The following NKAIN2 variants were observed in gnomAD, a reference collection of about 807,000 sequenced individuals.
NKAIN2 encodes sodium/potassium-transporting ATPase subunit beta-1-interacting protein 2.
A neutral mutation model predicts 32.6 loss-of-function variants in NKAIN2; 14 were observed. That is an observed-to-expected ratio of 0.43 (90% CI 0.28 to 0.67). NKAIN2 has a LOEUF of 0.67. Among genes scored for constraint, NKAIN2 ranks in the 30% least tolerant of loss-of-function variants. The pLI, the probability that NKAIN2 is intolerant of heterozygous loss-of-function variation, is 0.17. For synonymous variants in NKAIN2, 80 were observed against 87.2 expected (o/e 0.92, Z 0.46); for missense variants, 198 against 258.3 (o/e 0.77, Z 1.60).
chr6:124,090,644 A>G (rs577728667), intron 1 of NKAIN2, among the ~76,000 whole-genome samples: 1 of 151,994 alleles, frequency 6.6e-6, no homozygotes, highest in Non-Finnish European at 1.5e-5. Flanking sequence ...TGAGCCAGGA[A>G]CTGCCACTTA....
At chr6:123,833,533 C>A (rs1774472156) in intron 1 of NKAIN2, among the ~76,000 whole-genome samples, 1 of 152,114 alleles carries the variant, frequency 6.6e-6, no homozygotes, top group Admixed American at 6.5e-5. Context: ...GACATCTTGA[C>A]ATTGTTTCCT....
At chr6:124,443,367 A>G (rs1300133307) in intron 3 of NKAIN2, among the ~76,000 whole-genome samples, 1 of 152,158 alleles carries the variant, frequency 6.6e-6, no homozygotes, top group Non-Finnish European at 1.5e-5. Context: ...ATTTTGACAT[A>G]AGAAAAAATA....
At chr6:124,174,336 C>G (rs1789051554) in intron 1 of NKAIN2, among the ~76,000 whole-genome samples, 2 of 152,118 alleles carry the variant, frequency 1.3e-5, no homozygotes, top group South Asian at 4.1e-4. Context: ...GTTAATCATT[C>G]TAAACCAAAC....
chr6:124,689,900 T>A (rs1774177038), intron 4 of NKAIN2, among the ~76,000 whole-genome samples: 2 of 152,114 alleles, frequency 1.3e-5, no homozygotes, highest in Admixed American at 1.3e-4. Flanking sequence ...CTGCTCCAAC[T>A]TTGGTCTTTT....
chr6:124,545,279 G>A (rs1278774985), intron 3 of NKAIN2, among the ~76,000 whole-genome samples: 3 of 152,082 alleles, frequency 2.0e-5, no homozygotes, highest in African/African-American at 7.2e-5. Flanking sequence ...CACGTAGAAA[G>A]GAGAGCTAGT....
chr6:124,501,575 C>G (rs1408669707), intron 3 of NKAIN2, among the ~76,000 whole-genome samples: 1 of 152,178 alleles, frequency 6.6e-6, no homozygotes, highest in Non-Finnish European at 1.5e-5. Flanking sequence ...CCAGCCCTTT[C>G]ATTCAGTTTT....
chr6:124,543,765 G>T (rs1041304746), intron 3 of NKAIN2, among the ~76,000 whole-genome samples: 1 of 152,130 alleles, frequency 6.6e-6, no homozygotes, highest in African/African-American at 2.4e-5. Context: ...GAGTAGAGTG[G>T]GTTGTGGCAT....
At chr6:124,301,129 A>G (rs1019385162) in intron 2 of NKAIN2, among the ~76,000 whole-genome samples, 3 of 152,070 alleles carry the variant, frequency 2.0e-5, no homozygotes, top group Non-Finnish European at 2.9e-5. Flanking sequence ...CCTGTGTGCC[A>G]CCTAGGGACT....
chr6:124,457,214 T>C (rs11154240), intron 3 of NKAIN2, among the ~76,000 whole-genome samples: 105,770 of 151,652 alleles, frequency 0.7, 39,155 homozygotes, highest in South Asian at 0.86. Flanking sequence ...ATAACTTGGT[T>C]CTCTAGGCCT....
At chr6:124,057,643 T>C (rs1293485338) in intron 1 of NKAIN2, among the ~76,000 whole-genome samples, 1 of 151,898 alleles carries the variant, frequency 6.6e-6, no homozygotes, top group African/African-American at 2.4e-5. Flanking sequence ...TCCTCTTTTT[T>C]TTTTTTTAAT....
intron 1 of NKAIN2, among the ~76,000 whole-genome samples, chr6:124,034,226 A>G (rs1369238655): frequency 1.3e-5 from 2 of 151,978 alleles, no homozygotes; most frequent in African/African-American, 4.8e-5. Flanking sequence ...TGAATTCATC[A>G]CTGGGTAAAC....
intron 3 of NKAIN2, among the ~76,000 whole-genome samples, chr6:124,564,442 G>GT (rs1780823128): frequency 6.6e-6 from 1 of 151,880 alleles, no homozygotes; most frequent in Non-Finnish European, 1.5e-5. Flanking sequence ...GGACCAATCA[G>GT]TTGGACATGG....
chr6:124,408,976 ACTC>A (rs1774010089), intron 3 of NKAIN2, among the ~76,000 whole-genome samples: 2 of 152,094 alleles, frequency 1.3e-5, no homozygotes, highest in African/African-American at 4.8e-5. Context: ...ATGGGAGTTC[ACTC>A]ATGATTTGGC....
At chr6:124,368,256 C>T (rs569712059) in intron 3 of NKAIN2, among the ~76,000 whole-genome samples, 29 of 152,228 alleles carry the variant, frequency 1.9e-4, no homozygotes, top group African/African-American at 7.0e-4. Context: ...CAAATGTTGG[C>T]CTTCCTTACT....
chr6:124,325,338 G>T (rs935202559), intron 2 of NKAIN2, among the ~76,000 whole-genome samples: 1 of 152,008 alleles, frequency 6.6e-6, no homozygotes, highest in Non-Finnish European at 1.5e-5. Context: ...ATGGAAAACA[G>T]TTTAGCAGTT....
chr6:124,698,154 G>C (rs1774592771), intron 4 of NKAIN2, among the ~76,000 whole-genome samples: 1 of 152,162 alleles, frequency 6.6e-6, no homozygotes, highest in Admixed American at 6.6e-5. Context: ...AGTGGACCTT[G>C]AAACAGAAGA....
At chr6:124,099,162 T>A (rs1160971451) in intron 1 of NKAIN2, among the ~76,000 whole-genome samples, 1 of 152,156 alleles carries the variant, frequency 6.6e-6, no homozygotes, top group Non-Finnish European at 1.5e-5. Context: ...TGGATAATAT[T>A]TGTATTCTTT....
At chr6:124,101,658 C>T (rs558786092) in intron 1 of NKAIN2, among the ~76,000 whole-genome samples, 2 of 151,726 alleles carry the variant, frequency 1.3e-5, no homozygotes, top group African/African-American at 2.4e-5. Context: ...TTGTGATACA[C>T]CTAAAGTATG....
In NKAIN2 at chr6:123,981,362, A is replaced by G. The variant is rs139315444; in HGVS notation, c.54+177108A>G. Among the ~76,000 whole-genome samples, 822 of 152,280 alleles carry G rather than the reference A, an allele frequency of 5.4e-3. 6 individuals are homozygous for G. Among genetic ancestry groups the G allele is most frequent in the Non-Finnish European group, 7.0e-3 (473 of 68,020 alleles). ...GGAAAAAAAAAGCATCATACCTCCA[A>G]TGGAATAGTTCTGATTATTCAGAGA... On this transcript the variant is annotated intron_variant, in intron 1 of 6. Coordinates refer to ENST00000368417, the MANE Select transcript of NKAIN2 (RefSeq NM_001040214.3).
Sources: gnomAD v4.1 joint callset for allele counts (sites outside exome capture counted in the v4.1 genomes callset) on GRCh38, gnomAD v4.1.1 for gene constraint, MANE v1.5 for transcripts, NCBI Gene and HGNC (gene_info 2026-07-23, HGNC 2026-07-21) for gene names.